Variants in DPYSL2 observed in about 807,000 individuals in gnomAD.
DPYSL2 encodes the protein dihydropyrimidinase like 2.
In DPYSL2, 13 loss-of-function variants were observed where a neutral mutation model predicts 69.9. That is an observed-to-expected ratio of 0.19 (90% CI 0.12 to 0.30). The LOEUF (loss-of-function observed/expected upper bound fraction) is 0.30. DPYSL2 is among the 10% of genes least tolerant of loss of function. DPYSL2 has a pLI of 1.00. For missense variants in DPYSL2, 587 were observed against 918.9 expected, an observed-to-expected ratio of 0.64 and a Z score of 4.67; for synonymous variants, 326 against 359.1, an observed-to-expected ratio of 0.91 and a Z score of 1.04.
chr8:26,531,060 A>C (rs1192274597), intron 1 of DPYSL2, among the ~76,000 whole-genome samples: 1 of 89,084 alleles, frequency 1.1e-5, no homozygotes, highest in African/African-American at 3.2e-5. Context: ...CCTCGTCTCA[A>C]AGAAAAAAAA....
At chr8:26,608,275 G>T (rs990195730) in intron 3 of DPYSL2, among the ~76,000 whole-genome samples, 1 of 152,164 alleles carries the variant, frequency 6.6e-6, no homozygotes, top group Non-Finnish European at 1.5e-5. Context: ...ATAGGAAAAA[G>T]ATTGTCTAGA....
chr8:26,543,964 G>A (rs1163571621), intron 1 of DPYSL2, among the ~76,000 whole-genome samples: 2 of 152,192 alleles, frequency 1.3e-5, no homozygotes, highest in African/African-American at 4.8e-5. Flanking sequence ...TTTTAAATAG[G>A]AACATTCTAG....
At position 26,622,167 on chromosome 8, in the gene DPYSL2, C is replaced by CTCTCTTTCTT. The variant is rs1563413503; in HGVS notation, c.629-1973_629-1972insCTTTCTTTCT. 5.9e-4 allele frequency among the ~76,000 whole-genome samples: 44 copies of CTCTCTTTCTT among 74,848 alleles called. 1 individual carries two copies. Among genetic ancestry groups the CTCTCTTTCTT allele is most frequent in the African/African-American group, 1.7e-3 (36 of 21,356 alleles). The allele number at this position is 74,848 out of a possible 152,430, so 49.1% of individuals were successfully genotyped here. ...CTTCCTTCCTTCCTTCCCTCTCTCTCTCTTTCTTTCTTTCTTTCTTTTATT... is the reference window on the plus strand; with the variant it reads ...CTTCCTTCCTTCCTTCCCTCTCTCTCTCTCTTTCTTTCTTTCTTTCTTTCTTTCTTTTATT... On this transcript the variant is annotated intron_variant, in intron 3 of 13. Coordinates refer to ENST00000521913, the MANE Select transcript of DPYSL2 (RefSeq NM_001197293.3).
chr8:26,600,431 G>A lies in DPYSL2; in HGVS notation c.628+16448G>A, dbSNP rs374164121. On this transcript the variant is annotated intron_variant, in intron 3 of 13. Transcript: ENST00000521913. ...CCCACCAGCAGTGTGGGAGGGCCCC[G>A]GTTTCTTCGCATCCTTGCCAACACT... is the stretch of plus-strand genomic sequence containing the variant. 9.9e-5 allele frequency among the ~76,000 whole-genome samples: 15 copies of A among 152,190 alleles called. 1 individual carries two copies. The East Asian group carries it at 1.9e-3, about 20-fold the overall frequency.
At chr8:26,534,439 A>G (rs1209457520) in intron 1 of DPYSL2, among the ~76,000 whole-genome samples, 2 of 152,036 alleles carry the variant, frequency 1.3e-5, no homozygotes, top group African/African-American at 2.4e-5. Flanking sequence ...GATTGTAGGC[A>G]TAAGCCACCA....
chr8:26,529,276 C>CTATCTA, intron 1 of DPYSL2, among the ~76,000 whole-genome samples: 1 of 136,390 alleles, frequency 7.3e-6, no homozygotes, highest in African/African-American at 2.8e-5. Context: ...ATCTATCTAT[C>CTATCTA]ATCTATCTAT....
In DPYSL2 at chr8:26,571,502, C is replaced by T. The variant is rs1801237688; in HGVS notation, c.355-10467C>T. ...AAAGACCCCAGGGAACATCTGTAGCCACCCAGAGAATGAGGTGCAGGGTGG... is the reference window on the plus strand; with the variant it reads ...AAAGACCCCAGGGAACATCTGTAGCTACCCAGAGAATGAGGTGCAGGGTGG... On this transcript the variant is annotated intron_variant, in intron 1 of 13. Coordinates refer to ENST00000521913, the MANE Select transcript of DPYSL2 (RefSeq NM_001197293.3). This position sits in a 1 kb window ranked among gnomAD's most constrained non-coding sequence, Gnocchi z 6.1. Among the ~76,000 whole-genome samples, 1 of 152,148 alleles carries T rather than the reference C, an allele frequency of 6.6e-6. No individual in the cohort carries two copies. The highest frequency in any genetic ancestry group is 2.4e-5 in the African/African-American group (1 of 41,420).
Position 26,617,590 on chromosome 8 carries a change from G to A in DPYSL2, c.629-6553G>A, listed in dbSNP as rs534969669. On this transcript the variant is annotated intron_variant, in intron 3 of 13. Coordinates refer to ENST00000521913, the MANE Select transcript of DPYSL2 (RefSeq NM_001197293.3). This position sits in a 1 kb window ranked among gnomAD's most constrained non-coding sequence, Gnocchi z 4.7. ...GGTCTTCTCTTTGAAGTTTTAGGGA[G>A]CAGCTTATTTACTTTGTGTCTCACA... Among the ~76,000 whole-genome samples the A allele has an allele frequency of 6.6e-6, 1 of 152,300 alleles. No individual in the cohort carries two copies. Among genetic ancestry groups the A allele is most frequent in the South Asian group, 2.1e-4 (1 of 4,824 alleles).
rs577628643 is a variant in DPYSL2, at chr8:26,641,305, T to G, written c.1127-2134T>G. ...TCATGTGGACAAAAGCAGGAAGCCT[T>G]TAGGGCCACGCATCTCTTGTTTTCC... On this transcript the variant is annotated intron_variant, in intron 8 of 13. Coordinates refer to ENST00000521913, the MANE Select transcript of DPYSL2 (RefSeq NM_001197293.3). This position sits in a 1 kb window ranked among gnomAD's most constrained non-coding sequence, Gnocchi z 4.1. Among the ~76,000 whole-genome samples the G allele has an allele frequency of 2.0e-5, 3 of 152,338 alleles. No homozygotes were observed. Among genetic ancestry groups the G allele is most frequent in the Non-Finnish European group, 4.4e-5 (3 of 68,018 alleles).
chr8:26,552,376 G>T (rs747672729), intron 1 of DPYSL2, among the ~76,000 whole-genome samples: 3 of 152,026 alleles, frequency 2.0e-5, no homozygotes, highest in Non-Finnish European at 4.4e-5. Flanking sequence ...CAGAAGAAAA[G>T]AAATAATAAT....
At chr8:26,549,138 G>C (rs2117633774) in intron 1 of DPYSL2, among the ~76,000 whole-genome samples, 1 of 152,016 alleles carries the variant, frequency 6.6e-6, no homozygotes, top group East Asian at 1.9e-4. Context: ...GCAGTGAGCT[G>C]AGATCATGCC....
chr8:26,577,193 G>T (rs1365714750), intron 1 of DPYSL2: 1 of 441,430 alleles, frequency 2.3e-6, no homozygotes, highest in Non-Finnish European at 4.5e-6. Context: ...ACGCGGGCCA[G>T]ATCCCGTCTC....
chr8:26,650,365 G>A lies in DPYSL2; in HGVS notation c.1597-1892G>A, dbSNP rs1803256769. 6.6e-6 allele frequency among the ~76,000 whole-genome samples: 1 copy of A among 152,188 alleles called. No individual in the cohort carries two copies. Among genetic ancestry groups the A allele is most frequent in the Admixed American group, 6.5e-5 (1 of 15,274 alleles). ...AGAGGAGGTTGTCAGGGCATAAACT[G>A]TTAGCTGTGGAGTGATGTGGAAGAG... On this transcript the variant is annotated intron_variant, in intron 11 of 13. Coordinates refer to ENST00000521913, the MANE Select transcript of DPYSL2 (RefSeq NM_001197293.3). The surrounding 1 kb of genome is among the most constrained non-coding windows in gnomAD (Gnocchi z 5.3).
intron 1 of DPYSL2, among the ~76,000 whole-genome samples, chr8:26,546,151 C>G (rs1337459250): frequency 6.6e-6 from 1 of 152,144 alleles, no homozygotes; most frequent in Non-Finnish European, 1.5e-5. Flanking sequence ...TTATTTAGCT[C>G]TTCTTTGATT....
At chr8:26,539,322 C>T (rs1287513602) in intron 1 of DPYSL2, among the ~76,000 whole-genome samples, 1 of 152,218 alleles carries the variant, frequency 6.6e-6, no homozygotes, top group Admixed American at 6.5e-5. Flanking sequence ...AGCATCAAAA[C>T]ATCCAGTTTC....
chr8:26,634,952 A>AG (rs35690946), intron 8 of DPYSL2, 52 bp downstream of exon 8: 2 of 1,605,612 alleles, frequency 1.2e-6, no homozygotes, highest in South Asian at 1.1e-5. Flanking sequence ...TTTGGAGGGG[A>AG]GGGGGGCTCC....
intron 1 of DPYSL2, among the ~76,000 whole-genome samples, chr8:26,558,815 C>T (rs1328157046): frequency 6.6e-6 from 1 of 152,166 alleles, no homozygotes; most frequent in Non-Finnish European, 1.5e-5. Flanking sequence ...AATGTATAAA[C>T]TCTGTTGTAT....
intron 13 of DPYSL2, among the ~76,000 whole-genome samples, 199 bp from the exon 14 acceptor site, chr8:26,655,416 A>T (rs1803363067): frequency 6.6e-6 from 1 of 152,146 alleles, no homozygotes; most frequent in Non-Finnish European, 1.5e-5. Flanking sequence ...GGATGGCTTA[A>T]GCCCAGGAGA....
intron 7 of DPYSL2, among the ~76,000 whole-genome samples, chr8:26,629,940 C>A (rs1369865908): frequency 6.6e-6 from 1 of 151,644 alleles, no homozygotes; most frequent in African/African-American, 2.4e-5. Flanking sequence ...GATCCACGTG[C>A]ACAAGCACAC....
Sources: gnomAD v4.1 joint callset for allele counts (sites outside exome capture counted in the v4.1 genomes callset) on GRCh38, gnomAD v4.1.1 for gene constraint, Gnocchi (gnomAD v3.1) non-coding constraint, MANE v1.5 for transcripts, NCBI Gene and HGNC (gene_info 2026-07-23, HGNC 2026-07-21) for gene names.